Variants in TMEM278 observed in about 807,000 individuals in gnomAD.
The protein encoded by TMEM278 is transmembrane protein 278.
chr1:1,427,667 C>G, the TMEM278 span: 154 of 1,337,418 alleles, frequency 1.2e-4, 1 homozygote, highest in Admixed American at 5.9e-5. Context: ...TCGCCTCGGC[C>G]GTCCGCGCCC....
At chr1:1,429,359 A>C in the TMEM278 span, among the ~76,000 whole-genome samples, 498 of 152,244 alleles carry the variant, frequency 3.3e-3, 2 homozygotes, top group African/African-American at 0.011. Flanking sequence ...AAAAAAAAAA[A>C]AGGTTAGCAT....
the TMEM278 span, chr1:1,427,523 GCCCCC>G: frequency 3.0e-5 from 1 of 33,038 alleles, no homozygotes; most frequent in Non-Finnish European, 3.6e-5. Context: ...ACCCCGCCCC[GCCCCC>G]CACTGACGGC....
chr1:1,427,838 C>A, the TMEM278 span: 1 of 1,343,146 alleles, frequency 7.4e-7, no homozygotes, highest in Non-Finnish European at 9.6e-7. Context: ...GCGCGCGACC[C>A]CATCGCGTGG....
At chr1:1,427,558 A>G in the TMEM278 span, 1 of 866,260 alleles carries the variant, frequency 1.2e-6, no homozygotes, top group Non-Finnish European at 1.3e-6. Flanking sequence ...CCCCAGGTCC[A>G]CCCCGCTCCG....
the TMEM278 span, among the ~76,000 whole-genome samples, chr1:1,426,947 C>T: frequency 6.6e-6 from 1 of 151,928 alleles, no homozygotes; most frequent in Non-Finnish European, 1.5e-5. Context: ...CCTGCTCAGC[C>T]CTTTACCTGC....
At chr1:1,426,287 G>A in the TMEM278 span, 6 of 1,496,630 alleles carry the variant, frequency 4.0e-6, no homozygotes, top group African/African-American at 2.9e-5. Context: ...GCTGCTGGCC[G>A]GGCTCCTGCT....
At chr1:1,428,726 C>T in the TMEM278 span, among the ~76,000 whole-genome samples, 1 of 152,180 alleles carries the variant, frequency 6.6e-6, no homozygotes, top group African/African-American at 2.4e-5. Context: ...CCAGGCCAGG[C>T]ACGGTGGCTC....
chr1:1,429,480 A>G, the TMEM278 span, among the ~76,000 whole-genome samples: 12 of 152,088 alleles, frequency 7.9e-5, no homozygotes, highest in African/African-American at 2.9e-4. Flanking sequence ...CATATTTCAT[A>G]TATAGTTATT....
At chr1:1,427,690 G>A in the TMEM278 span, 2 of 1,324,938 alleles carry the variant, frequency 1.5e-6, no homozygotes, top group East Asian at 3.3e-5. Context: ...CTAGCCCGGC[G>A]CCTCCGCCCG....
chr1:1,427,754 C>G, the TMEM278 span: 10 of 1,316,742 alleles, frequency 7.6e-6, no homozygotes, highest in East Asian at 2.4e-4. Flanking sequence ...CGGGGCGCCC[C>G]GACGAGGACG....
chr1:1,428,621 C>T, the TMEM278 span, among the ~76,000 whole-genome samples: 1 of 152,240 alleles, frequency 6.6e-6, no homozygotes. Flanking sequence ...TCCATATCCT[C>T]ACCATTTTCT....
chr1:1,427,906 G>A, the TMEM278 span: 4 of 1,026,856 alleles, frequency 3.9e-6, no homozygotes, highest in Non-Finnish European at 5.0e-6. Flanking sequence ...GGCGCGCAGC[G>A]CTCCCGGCTT....
chr1:1,428,724 G>C, the TMEM278 span, among the ~76,000 whole-genome samples: 8 of 152,278 alleles, frequency 5.3e-5, no homozygotes, highest in Non-Finnish European at 1.0e-4. Flanking sequence ...ATCCAGGCCA[G>C]GCACGGTGGC....
At chr1:1,426,411 G>C in the TMEM278 span, 2 of 1,352,164 alleles carry the variant, frequency 1.5e-6, no homozygotes, top group South Asian at 1.7e-5. Flanking sequence ...GTGGGCGGGG[G>C]ACTAGCTGGG....
chr1:1,428,640 C>T, the TMEM278 span, among the ~76,000 whole-genome samples: 3 of 152,186 alleles, frequency 2.0e-5, no homozygotes, highest in Admixed American at 6.6e-5. Flanking sequence ...CTTTTACCCC[C>T]TCATCAAATT....
At chr1:1,426,253 G>C in the TMEM278 span, 2 of 1,485,388 alleles carry the variant, frequency 1.3e-6, no homozygotes, top group Non-Finnish European at 1.8e-6. Flanking sequence ...CAGGGTGGTC[G>C]GGGCCCCCGC....
chr1:1,425,988 C>G, the TMEM278 span: 12 of 1,248,590 alleles, frequency 9.6e-6, no homozygotes, highest in African/African-American at 1.6e-5. Flanking sequence ...CAGGACCTCC[C>G]TAGCCAGGGT....
At chr1:1,426,261 C>T in the TMEM278 span, 455,209 of 1,487,952 alleles carry the variant, frequency 0.31, 99,208 homozygotes, top group East Asian at 1. Flanking sequence ...TCGGGGCCCC[C>T]GCTGCTGCCC....
the TMEM278 span, among the ~76,000 whole-genome samples, chr1:1,427,309 C>T: frequency 5.1e-5 from 7 of 136,528 alleles, no homozygotes; most frequent in African/African-American, 1.7e-4. Flanking sequence ...CACCCTGACC[C>T]ACCCACACCC....
Sources: gnomAD v4.1 joint callset for allele counts (sites outside exome capture counted in the v4.1 genomes callset) on GRCh38, gnomAD v4.1.1 for gene constraint, MANE v1.5 for transcripts, NCBI Gene and HGNC (gene_info 2026-07-23, HGNC 2026-07-21) for gene names.